Variants in PIEZO2 observed in about 807,000 individuals in gnomAD.
PIEZO2 encodes piezo-type mechanosensitive ion channel component 2.
PIEZO2 carries 172 observed loss-of-function variants against 337.3 expected under a neutral mutation model. The observed-to-expected ratio is 0.51, with a 90% confidence interval of 0.45 to 0.58. The LOEUF is 0.58. Ranked by LOEUF, PIEZO2 falls within the 20% of genes least tolerant of loss-of-function variation. The pLI is 0.00. For missense variants in PIEZO2, 3,028 were observed against 3,391.3 expected (o/e 0.89, Z 2.66); for synonymous variants, 1,251 against 1,228.5 (o/e 1.02, Z -0.38).
At chr18:10,731,213 A>ATC (rs1567995804) in intron 36 of PIEZO2, among the ~76,000 whole-genome samples, 194 bp downstream of exon 36, 1 of 127,186 alleles carries the variant, frequency 7.9e-6, no homozygotes, top group African/African-American at 3.0e-5. Flanking sequence ...ATATATATAT[A>ATC]TATATCTCCT....
At position 11,032,455 on chromosome 18, in the gene PIEZO2, C is replaced by G. The variant is rs960506969; in HGVS notation, c.160+33672G>C. Among the ~76,000 whole-genome samples the G allele has an allele frequency of 1.3e-5, 2 of 152,162 alleles. No homozygotes were observed. Among genetic ancestry groups the G allele is most frequent in the Non-Finnish European group, 2.9e-5 (2 of 68,034 alleles). ...TTTCAGCTCTTGCTCTATTAGAATACGGAGCTATTCTTGGCATGCTCTCGA... is the reference window on the plus strand; with the variant it reads ...TTTCAGCTCTTGCTCTATTAGAATAGGGAGCTATTCTTGGCATGCTCTCGA... On this transcript the variant is annotated intron_variant, in intron 2 of 55. Coordinates refer to ENST00000674853, the MANE Select transcript of PIEZO2 (RefSeq NM_001378183.1). This position sits in a 1 kb window ranked among gnomAD's most constrained non-coding sequence, Gnocchi z 4.9.
rs71169957 is a variant in PIEZO2 at position 10,883,816 on chromosome 18, C to CTTTTTTTTTTTTTTT, written c.330-12402_330-12401insAAAAAAAAAAAAAAA. Among the ~76,000 whole-genome samples the CTTTTTTTTTTTTTTT allele has an allele frequency of 8.6e-4, 105 of 122,794 alleles. 7 individuals carry two copies. Among genetic ancestry groups the CTTTTTTTTTTTTTTT allele is most frequent in the Middle Eastern group, 4.5e-3 (1 of 220 alleles). The allele number at this position is 122,794 out of a possible 152,430, so 80.6% of individuals were successfully genotyped here. A position where few individuals can be genotyped will look rare whatever the true frequency, so the allele number is the denominator to read the frequency against. ...TACCCTGTTTCTATGAGTCCTACTT[C>CTTTTTTTTTTTTTTT]TTTTTTTTTTTTGAGACAGAGTCTC... On this transcript the variant is annotated intron_variant, in intron 4 of 55. Transcript: ENST00000674853.
chr18:10,986,491 A>T (rs182734962), intron 2 of PIEZO2, among the ~76,000 whole-genome samples: 19 of 152,198 alleles, frequency 1.2e-4, no homozygotes, highest in Non-Finnish European at 1.5e-5. Flanking sequence ...AAATCTCAAT[A>T]GATGCAAAGA....
chr18:10,715,045 G>A, intron 38 of PIEZO2, 115 bp from the exon 39 acceptor site: 2 of 1,064,180 alleles, frequency 1.9e-6, no homozygotes, highest in Non-Finnish European at 2.6e-6. Context: ...ATAAGGATTA[G>A]GACCATGCTA....
At chr18:10,919,649 A>T (rs942586111) in intron 3 of PIEZO2, among the ~76,000 whole-genome samples, 1 of 152,150 alleles carries the variant, frequency 6.6e-6, no homozygotes, top group African/African-American at 2.4e-5. Context: ...ACACCTTAAC[A>T]TTGTTTCTTT....
chr18:10,898,015 C>A (rs62085196), intron 4 of PIEZO2, among the ~76,000 whole-genome samples: 6,920 of 152,258 alleles, frequency 0.045, 245 homozygotes, highest in Middle Eastern at 0.11. Context: ...ACATAAAATC[C>A]TGGCTTACAA....
chr18:10,762,748 G>T lies in PIEZO2; in HGVS notation c.3124-123C>A, dbSNP rs2038190044. On this transcript the variant is annotated intron_variant, in intron 22 of 55. Coordinates refer to ENST00000674853, the MANE Select transcript of PIEZO2 (RefSeq NM_001378183.1). Reference sequence around the variant, plus strand: ...GGATGGGAGGGACAGGCCCATTTCAGGGGAGACCTCAGTATGAGACGAGGC... The same window carrying T: ...GGATGGGAGGGACAGGCCCATTTCATGGGAGACCTCAGTATGAGACGAGGC... 1.2e-5 allele frequency: 16 copies of T among 1,341,032 alleles called. No individual in the cohort carries two copies. In the South Asian group the frequency reaches 2.4e-4, roughly 20 times the overall value. The allele number at this position is 1,341,032 out of a possible 1,614,324, so 83.1% of individuals were successfully genotyped here.
Position 10,853,801 on chromosome 18 carries a change from C to G in PIEZO2, c.917+1552G>C, listed in dbSNP as rs2041623306. Among the ~76,000 whole-genome samples, 1 of 152,214 alleles carries G rather than the reference C, an allele frequency of 6.6e-6. No homozygotes were observed. Among genetic ancestry groups the G allele is most frequent in the Non-Finnish European group, 1.5e-5 (1 of 68,040 alleles). On this transcript the variant is annotated intron_variant, in intron 7 of 55. Coordinates refer to ENST00000674853, the MANE Select transcript of PIEZO2 (RefSeq NM_001378183.1). The surrounding 1 kb of genome is among the most constrained non-coding windows in gnomAD (Gnocchi z 4.2). ...ATCAAGGCACAGCTTATCTAAATAACTCACCATGTATCTCCTAAAATAATG... is the reference window on the plus strand; with the variant it reads ...ATCAAGGCACAGCTTATCTAAATAAGTCACCATGTATCTCCTAAAATAATG...
chr18:11,145,882 C>A lies in PIEZO2; in HGVS notation c.64+2643G>T, dbSNP rs182861570. Among the ~76,000 whole-genome samples the A allele has an allele frequency of 5.9e-4, 90 of 152,290 alleles. 1 individual carries two copies. Among genetic ancestry groups the A allele is most frequent in the African/African-American group, 2.1e-3 (86 of 41,550 alleles). On this transcript the variant is annotated intron_variant, in intron 1 of 55. Coordinates refer to ENST00000674853, the MANE Select transcript of PIEZO2 (RefSeq NM_001378183.1). ...TCTCCCAGGGAGCTCAGGCTCTCTT[C>A]CAGCCAGGGGCCAGTCCACCTCCTC...
At chr18:10,844,650 G>A (rs191156810) in intron 7 of PIEZO2, among the ~76,000 whole-genome samples, 11 of 151,832 alleles carry the variant, frequency 7.2e-5, no homozygotes, top group South Asian at 2.1e-4. Context: ...ATAGCTAGGC[G>A]TGGTGGTGGG....
At position 10,677,185 on chromosome 18, in the gene PIEZO2, A is replaced by G. The variant is rs1245017313; in HGVS notation, c.8081+562T>C. 6.6e-6 allele frequency among the ~76,000 whole-genome samples: 1 copy of G among 152,112 alleles called. No homozygotes were observed. The highest frequency in any genetic ancestry group is 1.5e-5 in the Non-Finnish European group (1 of 68,004). ...ACTGATGAGCTCCCTGTAGCCTGGCACCATACAAACCCTCATTCATTTGTT... is the reference window on the plus strand; with the variant it reads ...ACTGATGAGCTCCCTGTAGCCTGGCGCCATACAAACCCTCATTCATTTGTT... On this transcript the variant is annotated intron_variant, in intron 53 of 55. Coordinates refer to ENST00000674853, the MANE Select transcript of PIEZO2 (RefSeq NM_001378183.1). The surrounding 1 kb of genome is among the most constrained non-coding windows in gnomAD (Gnocchi z 4.1).
At chr18:11,023,735 C>T (rs1401151079) in intron 2 of PIEZO2, among the ~76,000 whole-genome samples, 1 of 152,228 alleles carries the variant, frequency 6.6e-6, no homozygotes, top group Non-Finnish European at 1.5e-5. Flanking sequence ...CGCACAGGAG[C>T]CCACGGAGTT....
chr18:10,808,398 C>CA (rs11387603), intron 7 of PIEZO2, among the ~76,000 whole-genome samples: 118,281 of 151,910 alleles, frequency 0.78, 46,060 homozygotes, highest in East Asian at 0.93. Context: ...AGCCTGTTTG[C>CA]ACTTTTATAT....
chr18:10,863,886 C>T lies in PIEZO2; in HGVS notation c.493-6675G>A, dbSNP rs909916984. 5.9e-5 allele frequency among the ~76,000 whole-genome samples: 9 copies of T among 151,716 alleles called. No individual in the cohort carries two copies. Among genetic ancestry groups the T allele is most frequent in the African/African-American group, 2.2e-4 (9 of 41,122 alleles). ...AATCAGCAGTCACACACACACACACCTATATCATCCACTCAGTTCACATTA... is the reference window on the plus strand; with the variant it reads ...AATCAGCAGTCACACACACACACACTTATATCATCCACTCAGTTCACATTA... On this transcript the variant is annotated intron_variant, in intron 5 of 55. Coordinates refer to ENST00000674853, the MANE Select transcript of PIEZO2 (RefSeq NM_001378183.1). The surrounding 1 kb of genome is among the most constrained non-coding windows in gnomAD (Gnocchi z 4.3).
At chr18:11,066,875 C>T (rs536069223) in intron 1 of PIEZO2, among the ~76,000 whole-genome samples, 71 of 152,342 alleles carry the variant, frequency 4.7e-4, no homozygotes, top group African/African-American at 1.3e-3. Context: ...GATGGGATTA[C>T]AGGCGTGAGC....
Position 11,110,712 on chromosome 18 carries a change from C to T in PIEZO2, c.64+37813G>A, listed in dbSNP as rs1016812153. On this transcript the variant is annotated intron_variant, in intron 1 of 55. Transcript: ENST00000674853. This position sits in a 1 kb window ranked among gnomAD's most constrained non-coding sequence, Gnocchi z 4.2. Reference sequence around the variant, plus strand: ...TCCGCCCCTCCCCGCCCCGGCCCGCCCGCCCCGGGTCTTGTGCTTCCTGCC... The same window carrying T: ...TCCGCCCCTCCCCGCCCCGGCCCGCTCGCCCCGGGTCTTGTGCTTCCTGCC... 6.6e-6 allele frequency among the ~76,000 whole-genome samples: 1 copy of T among 152,068 alleles called. No individual in the cohort carries two copies. The highest frequency in any genetic ancestry group is 2.1e-4 in the South Asian group (1 of 4,812).
In PIEZO2 at chr18:10,850,075, C is replaced by G. The variant is rs1208172304; in HGVS notation, c.917+5278G>C. ...CTTAACCTCCCCTAAGTACACCTAT[C>G]TCTGTCACATAATAAGTCCTACATT... On this transcript the variant is annotated intron_variant, in intron 7 of 55. Coordinates refer to ENST00000674853, the MANE Select transcript of PIEZO2 (RefSeq NM_001378183.1). The surrounding 1 kb of genome is among the most constrained non-coding windows in gnomAD (Gnocchi z 4.5). 6.6e-6 allele frequency among the ~76,000 whole-genome samples: 1 copy of G among 152,226 alleles called. No individual in the cohort carries two copies. Among genetic ancestry groups the G allele is most frequent in the Admixed American group, 6.5e-5 (1 of 15,284 alleles).
chr18:10,719,790 T>C (rs542043268), intron 36 of PIEZO2, among the ~76,000 whole-genome samples: 1 of 152,302 alleles, frequency 6.6e-6, no homozygotes, highest in African/African-American at 2.4e-5. Context: ...TTTGAGGTTT[T>C]AATTTTATTT....
intron 3 of PIEZO2, among the ~76,000 whole-genome samples, chr18:10,917,649 G>A (rs144129422): frequency 0.013 from 2,039 of 152,236 alleles, 42 homozygotes; most frequent in African/African-American, 0.044. Context: ...TGTCTCAGCC[G>A]CTGAGAGCCA....
Sources: gnomAD v4.1 joint callset for allele counts (sites outside exome capture counted in the v4.1 genomes callset) on GRCh38, gnomAD v4.1.1 for gene constraint, Gnocchi (gnomAD v3.1) non-coding constraint, MANE v1.5 for transcripts, NCBI Gene and HGNC (gene_info 2026-07-23, HGNC 2026-07-21) for gene names.